The following AKAP19 variants were observed in gnomAD, a reference collection of about 807,000 sequenced individuals.
The protein encoded by AKAP19 is small A-kinase anchoring protein.
the AKAP19 span, among the ~76,000 whole-genome samples, chr2:190,151,003 GCTTA>G: frequency 6.6e-6 from 1 of 151,842 alleles, no homozygotes; most frequent in Non-Finnish European, 1.5e-5. Context: ...CATATTCTTT[GCTTA>G]CTTGTCTATA....
At chr2:189,896,234 C>A in the AKAP19 span, among the ~76,000 whole-genome samples, 2 of 151,812 alleles carry the variant, frequency 1.3e-5, no homozygotes, top group Admixed American at 6.6e-5. Flanking sequence ...CTGATACTTG[C>A]CAGTAAAATG....
the AKAP19 span, among the ~76,000 whole-genome samples, chr2:190,049,917 T>C: frequency 1.4e-4 from 21 of 152,376 alleles, no homozygotes; most frequent in Non-Finnish European, 1.5e-5. Flanking sequence ...ATTTAGAATG[T>C]ATGTTATTTC....
chr2:189,889,573 T>G, the AKAP19 span, among the ~76,000 whole-genome samples: 1 of 152,204 alleles, frequency 6.6e-6, no homozygotes, highest in South Asian at 2.1e-4. Flanking sequence ...TTTTTTTGGT[T>G]GGTAGGCCAT....
the AKAP19 span, among the ~76,000 whole-genome samples, chr2:189,994,429 C>T: frequency 6.6e-6 from 1 of 151,990 alleles, no homozygotes; most frequent in Non-Finnish European, 1.5e-5. Context: ...TTGATGTAGG[C>T]ATTTAATGTT....
chr2:190,122,758 C>T, the AKAP19 span, among the ~76,000 whole-genome samples: 1 of 151,534 alleles, frequency 6.6e-6, no homozygotes, highest in Non-Finnish European at 1.5e-5. Context: ...ATATTATTGA[C>T]ATGGTAATGC....
chr2:190,201,951 G>A, the AKAP19 span: 3 of 166,934 alleles, frequency 1.8e-5, no homozygotes, highest in Non-Finnish European at 2.9e-5. Flanking sequence ...TTTGCTGCAA[G>A]GTCATCTGCT....
At chr2:189,917,632 T>C in the AKAP19 span, 2 of 325,768 alleles carry the variant, frequency 6.1e-6, no homozygotes, top group South Asian at 8.8e-5. Context: ...GACCTTTTTC[T>C]TGTATCCAAG....
At chr2:190,090,198 A>T in the AKAP19 span, among the ~76,000 whole-genome samples, 2 of 152,144 alleles carry the variant, frequency 1.3e-5, no homozygotes, top group Non-Finnish European at 2.9e-5. Context: ...TAAAGTCCTC[A>T]TCTAGGCAGG....
the AKAP19 span, among the ~76,000 whole-genome samples, chr2:189,983,081 C>T: frequency 1.3e-4 from 20 of 152,240 alleles, no homozygotes; most frequent in Admixed American, 3.9e-4. Flanking sequence ...GGAAAGATAT[C>T]ATGTTGGGGT....
the AKAP19 span, among the ~76,000 whole-genome samples, chr2:190,077,438 A>AT: frequency 2.2e-5 from 3 of 135,728 alleles, no homozygotes; most frequent in African/African-American, 3.6e-5. Context: ...AATGTTAAAC[A>AT]TTTAAAATGT....
At chr2:189,950,456 A>T in the AKAP19 span, among the ~76,000 whole-genome samples, 1 of 151,224 alleles carries the variant, frequency 6.6e-6, no homozygotes, top group Non-Finnish European at 1.5e-5. Flanking sequence ...GTCAATTAGG[A>T]TTAGGATAAG....
chr2:190,128,877 G>T, the AKAP19 span, among the ~76,000 whole-genome samples: 1 of 152,216 alleles, frequency 6.6e-6, no homozygotes, highest in African/African-American at 2.4e-5. Context: ...TTAAGGGGAT[G>T]CCAGTCAATT....
chr2:190,120,656 T>C, the AKAP19 span, among the ~76,000 whole-genome samples: 2 of 152,228 alleles, frequency 1.3e-5, no homozygotes, highest in Admixed American at 1.3e-4. Context: ...TGCTAACTTA[T>C]TTGTTTTATA....
At chr2:190,133,835 G>C in the AKAP19 span, among the ~76,000 whole-genome samples, 1 of 152,150 alleles carries the variant, frequency 6.6e-6, no homozygotes, top group African/African-American at 2.4e-5. Flanking sequence ...TGGGTCTGGG[G>C]TTGTAGAAAG....
chr2:190,157,379 C>CACACACAT, the AKAP19 span, among the ~76,000 whole-genome samples: 1 of 147,080 alleles, frequency 6.8e-6, no homozygotes, highest in African/African-American at 2.4e-5. Flanking sequence ...CACACACACA[C>CACACACAT]ACACACACAC....
chr2:190,064,923 T>C, the AKAP19 span, among the ~76,000 whole-genome samples: 2 of 152,162 alleles, frequency 1.3e-5, no homozygotes, highest in African/African-American at 2.4e-5. Flanking sequence ...ATTCACAAAT[T>C]TGCCTACTTG....
chr2:190,114,717 A>G, the AKAP19 span, among the ~76,000 whole-genome samples: 2 of 152,198 alleles, frequency 1.3e-5, no homozygotes, highest in Non-Finnish European at 2.9e-5. Flanking sequence ...CGGCCTCCCA[A>G]AGTGCTGGGA....
At chr2:190,105,268 G>A in the AKAP19 span, among the ~76,000 whole-genome samples, 3 of 152,032 alleles carry the variant, frequency 2.0e-5, no homozygotes, top group African/African-American at 7.3e-5. Context: ...AGAAAAATGT[G>A]ATATATATAT....
the AKAP19 span, among the ~76,000 whole-genome samples, chr2:190,199,351 T>C: frequency 9.9e-5 from 15 of 152,236 alleles, no homozygotes; most frequent in East Asian, 3.9e-4. Flanking sequence ...TGTACAAAAA[T>C]AGGTAGCTGG....
Sources: gnomAD v4.1 joint callset for allele counts (sites outside exome capture counted in the v4.1 genomes callset) on GRCh38, gnomAD v4.1.1 for gene constraint, MANE v1.5 for transcripts, NCBI Gene and HGNC (gene_info 2026-07-23, HGNC 2026-07-21) for gene names.